The following RREB1 variants were observed in gnomAD, a reference collection of about 807,000 sequenced individuals.
RREB1 encodes the protein ras responsive element binding protein 1.
RREB1 carries 27 observed loss-of-function variants against 117.8 expected under a neutral mutation model. The ratio of observed to expected loss-of-function variants is 0.23; its 90% confidence interval spans 0.17 to 0.32. The LOEUF (loss-of-function observed/expected upper bound fraction) is 0.32. Among genes scored for constraint, RREB1 ranks in the 10% least tolerant of loss-of-function variants. RREB1 has a pLI of 1.00. For missense variants in RREB1, 2,577 were observed against 2,378.2 expected (o/e 1.08, Z -1.74); for synonymous variants, 1,298 against 1,026.7 (o/e 1.26, Z -5.05).
At position 7,229,572 on chromosome 6, in the gene RREB1, G is replaced by C; in HGVS notation, c.1473G>C (p.Lys491Asn). 2 of 1,612,294 alleles carry C rather than the reference G, an allele frequency of 1.2e-6. No individual in the cohort carries two copies. Residue 491 changes from lysine (K) to asparagine (N), a missense_variant, in exon 10 of 13, where the codon AAG (lysine) becomes AAC (asparagine). Lys to Asn is a moderately conservative substitution (Grantham distance 94, BLOSUM62 0). Coordinates refer to ENST00000379938, the MANE Select transcript of RREB1 (RefSeq NM_001003699.4). The surrounding 1 kb of genome is among the most constrained non-coding windows in gnomAD (Gnocchi z 4.5). ...PPQISLPPFS[K>N]APAAPLQAIF... ...AGATCAGTCTTCCGCCCTTCTCCAA[G>C]GCCCCTGCCGCCCCACTGCAGGCGA...
intron 6 of RREB1, among the ~76,000 whole-genome samples, chr6:7,195,786 A>ACACC (rs1383644532): frequency 2.0e-5 from 3 of 152,112 alleles, no homozygotes; most frequent in African/African-American, 7.2e-5. Context: ...CAGGACACCC[A>ACACC]CACCCAGGTG....
intron 1 of RREB1, among the ~76,000 whole-genome samples, chr6:7,120,110 C>CT (rs1474176150): frequency 6.9e-6 from 1 of 144,824 alleles, no homozygotes; most frequent in African/African-American, 2.5e-5. Flanking sequence ...CCCCGCCCGC[C>CT]TTTTTTAGCT....
intron 1 of RREB1, among the ~76,000 whole-genome samples, chr6:7,153,375 C>T (rs920572359): frequency 6.6e-6 from 1 of 150,430 alleles, no homozygotes. Flanking sequence ...TCTTGCTCCT[C>T]CCTACTCAAT....
intron 8 of RREB1, 153 bp downstream of exon 8, chr6:7,211,862 A>G: frequency 1.3e-6 from 1 of 789,564 alleles, no homozygotes; most frequent in East Asian, 2.7e-5. Flanking sequence ...GGTGTGGGGA[A>G]AAAGTTGGCT....
intron 8 of RREB1, chr6:7,212,859 T>C (rs1452435643): frequency 1.3e-5 from 2 of 152,230 alleles, no homozygotes; most frequent in East Asian, 1.9e-4. Context: ...AGGTCAAATA[T>C]GATTATCCTT....
At position 7,188,212 on chromosome 6, in the gene RREB1, C is replaced by T. The variant is rs568722795; in HGVS notation, c.261+689C>T. Among the ~76,000 whole-genome samples the T allele has an allele frequency of 4.6e-4, 62 of 133,456 alleles. 1 individual carries two copies. The highest frequency in any genetic ancestry group is 3.3e-3 in the Admixed American group (41 of 12,574). The allele number at this position is 133,456 out of a possible 152,430, so 87.6% of individuals were successfully genotyped here. A position where few individuals can be genotyped will look rare whatever the true frequency, so the allele number is the denominator to read the frequency against. The stretch of plus-strand genomic sequence containing the variant: ...ATAAATAAATAAAATAAAATAGAAT[C>T]GCTCCCCCCCACACGTGTGTGTGTG... On this transcript the variant is annotated intron_variant, in intron 5 of 12. Transcript: ENST00000379938.
At chr6:7,156,660 T>C (rs906826740) in intron 1 of RREB1, among the ~76,000 whole-genome samples, 1 of 152,216 alleles carries the variant, frequency 6.6e-6, no homozygotes, top group East Asian at 1.9e-4. Context: ...AATCCACTTG[T>C]TTATTCTTGA....
At chr6:7,236,644 A>G (rs1420033813) in intron 10 of RREB1, among the ~76,000 whole-genome samples, 1 of 152,120 alleles carries the variant, frequency 6.6e-6, no homozygotes, top group Non-Finnish European at 1.5e-5. Flanking sequence ...ACAAAAAGAA[A>G]AGCAACTGCA....
rs111807883 is a variant in RREB1, at chr6:7,205,422, A to G, written c.426-5382A>G. On this transcript the variant is annotated intron_variant, in intron 6 of 12. Transcript: ENST00000379938. ...ATTCTCTGGAGTCTCCGTAATTACT[A>G]GGTGGCAGAACAGAGATCACACGTC... Among the ~76,000 whole-genome samples, 21 of 152,328 alleles carry G rather than the reference A, an allele frequency of 1.4e-4. 1 individual carries two copies. Among genetic ancestry groups the G allele is most frequent in the African/African-American group, 4.3e-4 (18 of 41,566 alleles).
chr6:7,249,094 A>ATT lies in RREB1; in HGVS notation c.*126_*127insTT, dbSNP rs1249993507. 2 of 791,954 alleles carry ATT rather than the reference A, an allele frequency of 2.5e-6. No homozygotes were observed. The highest frequency in any genetic ancestry group is 3.8e-6 in the Non-Finnish European group (2 of 523,382). 49.1% of individuals were successfully genotyped at this position (791,954 alleles called of 1,614,324 possible). A position where few individuals can be genotyped will look rare whatever the true frequency, so the allele number is the denominator to read the frequency against. ...GAGAGAGAGAGAGAGAGAGAGAGAGAGAGAGAGAGACAAGCAGGAGCGTGG... is the reference window on the plus strand; with the variant it reads ...GAGAGAGAGAGAGAGAGAGAGAGAGATTGAGAGAGAGACAAGCAGGAGCGTGG... On this transcript the variant is annotated 3_prime_UTR_variant, in exon 13 of 13. Coordinates refer to ENST00000379938, the MANE Select transcript of RREB1 (RefSeq NM_001003699.4).
intron 2 of RREB1, among the ~76,000 whole-genome samples, chr6:7,179,895 T>TC (rs931396547): frequency 3.3e-5 from 5 of 152,034 alleles, no homozygotes; most frequent in African/African-American, 1.2e-4. Flanking sequence ...GAGTTGACCC[T>TC]CCCACCTTGG....
chr6:7,127,327 C>G (rs17603593), intron 1 of RREB1, among the ~76,000 whole-genome samples: 2,136 of 152,052 alleles, frequency 0.014, 22 homozygotes, highest in South Asian at 0.026. Context: ...GCAGTGTGAA[C>G]TTGGAATTTG....
intron 1 of RREB1, among the ~76,000 whole-genome samples, chr6:7,153,411 T>TTTACACACACACACACACACAC (rs1554118512): frequency 1.2e-5 from 1 of 86,460 alleles, no homozygotes; most frequent in African/African-American, 6.0e-5. Context: ...CCAGTAGTGG[T>TTTACACACACACACACACACAC]ATACACACAC....
At position 7,210,929 on chromosome 6, in the gene RREB1, A is replaced by T; in HGVS notation, c.551A>T (p.Asp184Val). 1 of 1,613,870 alleles carries T rather than the reference A, an allele frequency of 6.2e-7. No individual in the cohort carries two copies. The highest frequency in any genetic ancestry group is 8.5e-7 in the Non-Finnish European group (1 of 1,179,934). ...LSHDAESERE[D>V]PAPAKKMVED... The stretch of plus-strand genomic sequence containing the variant: ...CACGATGCCGAGTCAGAGAGAGAAG[A>T]CCCAGCACCAGCTAAAAAGGTCCTC... The change falls in exon 7 of 13, where the codon GAC (aspartate) becomes GTC (valine). Residue 184 changes from aspartate to valine, a missense_variant. By Grantham distance (152) the Asp-to-Val change is radical. Transcript: ENST00000379938.
intron 10 of RREB1, among the ~76,000 whole-genome samples, chr6:7,235,638 G>A (rs1311576883): frequency 6.6e-6 from 1 of 152,140 alleles, no homozygotes; most frequent in African/African-American, 2.4e-5. Context: ...TTAAAATCTA[G>A]CTGAGTTCCA....
chr6:7,209,329 C>T (rs1412158884), intron 6 of RREB1, among the ~76,000 whole-genome samples: 1 of 152,168 alleles, frequency 6.6e-6, no homozygotes, highest in East Asian at 1.9e-4. Context: ...CTTATACTTT[C>T]TCAACTCTTA....
rs1432603349 is a variant in RREB1 at position 7,250,095 on chromosome 6, C to G, written c.*1127C>G. ...ATGCATGCATCCAGGGAACAGGCAT[C>G]AAGAAGCCAGGGCCGTGCCTGGAGC... On this transcript the variant is annotated 3_prime_UTR_variant, in exon 13 of 13. Coordinates refer to ENST00000379938, the MANE Select transcript of RREB1 (RefSeq NM_001003699.4). 1 of 152,610 alleles carries G rather than the reference C, an allele frequency of 6.6e-6. No individual in the cohort carries two copies. The highest frequency in any genetic ancestry group is 1.5e-5 in the Non-Finnish European group (1 of 68,058). The allele number at this position is 152,610 out of a possible 1,614,324, so 9.5% of individuals were successfully genotyped here. A position where few individuals can be genotyped will look rare whatever the true frequency, so the allele number is the denominator to read the frequency against.
At chr6:7,218,810 T>A (rs908757765) in intron 8 of RREB1, 12 of 140,380 alleles carry the variant, frequency 8.5e-5, no homozygotes, top group Non-Finnish European at 1.5e-4. Flanking sequence ...CAGCTCAGAA[T>A]TGTGCAACTT....
At chr6:7,129,841 G>T (rs1009411088) in intron 1 of RREB1, among the ~76,000 whole-genome samples, 2 of 152,136 alleles carry the variant, frequency 1.3e-5, no homozygotes, top group Non-Finnish European at 2.9e-5. Context: ...GCCCCTTTTT[G>T]GTGCTTGTTT....
Sources: allele counts gnomAD v4.1 joint callset (sites outside exome capture counted in the v4.1 genomes callset), GRCh38; gene constraint gnomAD v4.1.1; non-coding constraint Gnocchi (gnomAD v3.1); transcripts MANE v1.5; gene names NCBI Gene and HGNC (gene_info 2026-07-23, HGNC 2026-07-21).